The following TRIP12 variants were observed in gnomAD, a reference collection of about 807,000 sequenced individuals.
TRIP12 encodes thyroid hormone receptor interactor 12.
TRIP12 carries 25 observed loss-of-function variants against 244.2 expected under a neutral mutation model. The observed-to-expected ratio is 0.10, with a 90% CI of 0.07 to 0.14. TRIP12 has a LOEUF of 0.14. TRIP12 is among the 10% of genes least tolerant of loss of function. The probability of loss-of-function intolerance (pLI) is 1.00; values close to 1 mark genes in which losing one functional copy is unlikely to be tolerated. For missense variants in TRIP12, 1,677 were observed against 2,486.4 expected, an observed-to-expected ratio of 0.67 and a Z score of 6.92; for synonymous variants, 905 against 873.1, an observed-to-expected ratio of 1.04 and a Z score of -0.64.
At chr2:229,921,841 A>C (rs1577298636) in intron 1 of TRIP12, 39 bp downstream of exon 1, 4 of 17,490 alleles carry the variant, frequency 2.3e-4, no homozygotes, top group African/African-American at 5.0e-4. Flanking sequence ...CCCCTCCCCC[A>C]AGGCTTGCCC....
chr2:229,820,233 T>C (rs541103305), intron 8 of TRIP12, among the ~76,000 whole-genome samples: 4 of 152,122 alleles, frequency 2.6e-5, no homozygotes, highest in African/African-American at 9.6e-5. Flanking sequence ...TGTATGCAAC[T>C]AGATGGAGGT....
At chr2:229,869,047 C>G (rs1238539506) in intron 2 of TRIP12, among the ~76,000 whole-genome samples, 1 of 152,300 alleles carries the variant, frequency 6.6e-6, no homozygotes, top group South Asian at 2.1e-4. Flanking sequence ...AGCAAGGTAT[C>G]TGAATATCTG....
At chr2:229,878,095 G>A (rs1413796305) in intron 2 of TRIP12, among the ~76,000 whole-genome samples, 3 of 152,140 alleles carry the variant, frequency 2.0e-5, no homozygotes, top group African/African-American at 7.2e-5. Flanking sequence ...TGTGGACTAA[G>A]AAACTGAGGT....
At chr2:229,802,174 T>A (rs2044552846) in intron 21 of TRIP12, 78 bp downstream of exon 21, 2 of 1,112,626 alleles carry the variant, frequency 1.8e-6, no homozygotes, top group African/African-American at 3.2e-5. Context: ...GTTACCATTT[T>A]ACTCCCTATA....
At chr2:229,810,725 C>T (rs568633775) in intron 15 of TRIP12, among the ~76,000 whole-genome samples, 155 bp downstream of exon 15, 3 of 152,264 alleles carry the variant, frequency 2.0e-5, no homozygotes, top group Non-Finnish European at 4.4e-5. Flanking sequence ...AACATACTGT[C>T]CCAACACAAA....
chr2:229,812,217 A>C (rs1180544368), intron 13 of TRIP12, among the ~76,000 whole-genome samples: 1 of 151,846 alleles, frequency 6.6e-6, no homozygotes, highest in African/African-American at 2.4e-5. Context: ...CAGCCTCCTG[A>C]GTAGCTGGGA....
At chr2:229,825,597 T>A (rs2051336280) in intron 8 of TRIP12, among the ~76,000 whole-genome samples, 1 of 152,040 alleles carries the variant, frequency 6.6e-6, no homozygotes, top group Non-Finnish European at 1.5e-5. Context: ...ACAGGGGAAA[T>A]GCCAAATGCT....
intron 1 of TRIP12, among the ~76,000 whole-genome samples, chr2:229,912,276 G>A (rs908772676): frequency 6.6e-5 from 10 of 152,210 alleles, no homozygotes; most frequent in African/African-American, 1.9e-4. Flanking sequence ...TATCAGAAAG[G>A]GAAGCACTGT....
chr2:229,864,175 A>C (rs1250519174), intron 2 of TRIP12, among the ~76,000 whole-genome samples: 2 of 152,120 alleles, frequency 1.3e-5, no homozygotes, highest in Non-Finnish European at 2.9e-5. Context: ...TTATCCACTA[A>C]AAATAACCGG....
intron 21 of TRIP12, among the ~76,000 whole-genome samples, chr2:229,800,983 T>C (rs1395026805): frequency 6.6e-6 from 1 of 152,214 alleles, no homozygotes; most frequent in African/African-American, 2.4e-5. Context: ...TTGTCTGAAC[T>C]GTATCACTCT....
intron 4 of TRIP12, among the ~76,000 whole-genome samples, chr2:229,850,660 C>T (rs1485907399): frequency 6.6e-6 from 1 of 152,234 alleles, no homozygotes; most frequent in African/African-American, 2.4e-5. Context: ...TGTGGGAGCC[C>T]CTTTCTGGGC....
At chr2:229,818,165 G>T (rs1436101921) in intron 9 of TRIP12, among the ~76,000 whole-genome samples, 199 bp downstream of exon 9, 1 of 152,128 alleles carries the variant, frequency 6.6e-6, no homozygotes, top group Non-Finnish European at 1.5e-5. Flanking sequence ...TCAAAAAAAT[G>T]ATTTAGAAAA....
intron 13 of TRIP12, 21 bp downstream of exon 13, chr2:229,813,849 T>C (rs1212858007): frequency 2.1e-6 from 3 of 1,454,090 alleles, no homozygotes; most frequent in Non-Finnish European, 1.8e-6. Flanking sequence ...TTATGGCACA[T>C]AAAATAGATG....
In TRIP12 at chr2:229,868,690, A is replaced by AAT. The variant is rs201864617; in HGVS notation, c.99-8161_99-8160dup. 1.2e-3 allele frequency among the ~76,000 whole-genome samples: 185 copies of AAT among 152,352 alleles called. 2 individuals are homozygous for AAT. In the East Asian group the frequency reaches 0.018, roughly 15 times the overall value. The stretch of plus-strand genomic sequence containing the variant: ...GACAGGAAAGAAATAAGAATTAAAG[A>AAT]ATATAAAAGGAAGGCACTCACACCG... On this transcript the variant is annotated intron_variant, in intron 2 of 41. Transcript: ENST00000675903.
chr2:229,880,239 T>G, intron 1 of TRIP12, 111 bp from the exon 2 acceptor site: 1 of 668,944 alleles, frequency 1.5e-6, no homozygotes, highest in Non-Finnish European at 2.5e-6. Context: ...TATCTGATTT[T>G]ACAGCCTTCA....
chr2:229,766,090 T>C lies in TRIP12; in HGVS notation c.*1464A>G, dbSNP rs2154219914. On this transcript the variant is annotated 3_prime_UTR_variant, in exon 42 of 42. Coordinates refer to ENST00000675903, the MANE Select transcript of TRIP12 (RefSeq NM_001348323.3). The stretch of plus-strand genomic sequence containing the variant: ...AAACTTACAGAACAGTCAAAAAAAT[T>C]GATTTCTCAAAGTTCAATTAAAAAA... 6.6e-6 allele frequency: 1 copy of C among 152,048 alleles called. No homozygotes were observed. The highest frequency in any genetic ancestry group is 2.4e-5 in the African/African-American group (1 of 41,370). 9.4% of individuals were successfully genotyped at this position (152,048 alleles called of 1,614,324 possible).
chr2:229,852,279 G>T (rs1053863211), intron 4 of TRIP12, among the ~76,000 whole-genome samples: 1 of 152,140 alleles, frequency 6.6e-6, no homozygotes, highest in Non-Finnish European at 1.5e-5. Flanking sequence ...CTATAAACAG[G>T]TTCCATAATT....
At chr2:229,794,354 C>T (rs1283973992) in intron 26 of TRIP12, among the ~76,000 whole-genome samples, 1 of 151,970 alleles carries the variant, frequency 6.6e-6, no homozygotes, top group Non-Finnish European at 1.5e-5. Flanking sequence ...ATCACTTGGG[C>T]CCAAGAGTTT....
intron 4 of TRIP12, among the ~76,000 whole-genome samples, chr2:229,858,234 A>G (rs1173948373): frequency 1.3e-5 from 2 of 152,122 alleles, no homozygotes; most frequent in African/African-American, 2.4e-5. Context: ...CATGGTGTGC[A>G]CACTTGTAAT....
Sources: gnomAD v4.1 joint callset for allele counts (sites outside exome capture counted in the v4.1 genomes callset) on GRCh38, gnomAD v4.1.1 for gene constraint, MANE v1.5 for transcripts, NCBI Gene and HGNC (gene_info 2026-07-23, HGNC 2026-07-21) for gene names.